Variants in CHSY3 observed in about 807,000 individuals in gnomAD.
CHSY3 encodes the protein chondroitin sulfate synthase 3, also known as N-acetylgalactosaminyl-proteoglycan 3-beta-glucuronosyltransferase 3.
CHSY3 carries 35 observed loss-of-function variants against 67.2 expected under a neutral mutation model. The observed-to-expected ratio is 0.52, with a 90% CI of 0.40 to 0.69. CHSY3 has a LOEUF of 0.69. Ranked by LOEUF, CHSY3 falls within the 30% of genes least tolerant of loss-of-function variation. CHSY3 has a pLI of 0.00. For missense variants in CHSY3, 1,069 were observed against 1,138.5 expected, an observed-to-expected ratio of 0.94 and a Z score of 0.88; for synonymous variants, 474 against 434.7, an observed-to-expected ratio of 1.09 and a Z score of -1.12.
At chr5:130,126,710 T>C (rs1768303008) in intron 2 of CHSY3, among the ~76,000 whole-genome samples, 1 of 152,216 alleles carries the variant, frequency 6.6e-6, no homozygotes, top group Admixed American at 6.5e-5. Context: ...CATTTCATTT[T>C]TGGAGCTTTT....
At chr5:130,157,758 A>AAAGAATGGCTACTCCACAGG (rs71000952) in intron 2 of CHSY3, among the ~76,000 whole-genome samples, 2 of 152,130 alleles carry the variant, frequency 1.3e-5, no homozygotes, top group African/African-American at 4.8e-5. Flanking sequence ...TAAAGAAATA[A>AAAGAATGGCTACTCCACAGG]CTGAGCAGTG....
At chr5:130,147,541 A>G (rs1769108120) in intron 2 of CHSY3, among the ~76,000 whole-genome samples, 1 of 152,200 alleles carries the variant, frequency 6.6e-6, no homozygotes, top group Admixed American at 6.5e-5. Context: ...TTTTAACAGC[A>G]TATGTGTATT....
intron 2 of CHSY3, among the ~76,000 whole-genome samples, chr5:130,132,693 C>A (rs1044793794): frequency 4.6e-5 from 7 of 152,162 alleles, no homozygotes; most frequent in Non-Finnish European, 8.8e-5. Context: ...TTGTCTCCCA[C>A]CCAGGAGATA....
At chr5:129,975,582 C>T (rs542695759) in intron 2 of CHSY3, among the ~76,000 whole-genome samples, 1 of 152,156 alleles carries the variant, frequency 6.6e-6, no homozygotes, top group Non-Finnish European at 1.5e-5. Context: ...AGTGCTTTAC[C>T]TAATGTGATT....
At chr5:130,065,727 C>T (rs763196686) in intron 2 of CHSY3, among the ~76,000 whole-genome samples, 5 of 152,248 alleles carry the variant, frequency 3.3e-5, no homozygotes, top group South Asian at 2.1e-4. Context: ...TCTAGTCTGA[C>T]AATGATCCAA....
At chr5:129,930,560 G>A (rs1226406638) in intron 2 of CHSY3, among the ~76,000 whole-genome samples, 2 of 150,128 alleles carry the variant, frequency 1.3e-5, no homozygotes, top group Non-Finnish European at 3.0e-5. Flanking sequence ...AACTTTCCAA[G>A]CATAGAGAAG....
chr5:130,001,496 A>G (rs1422770423), intron 2 of CHSY3: 1 of 959,844 alleles, frequency 1.0e-6, no homozygotes, highest in Non-Finnish European at 1.2e-6. Flanking sequence ...GACTGGTACC[A>G]AGATCTAGTG....
chr5:130,029,654 G>T (rs10078635), intron 2 of CHSY3, among the ~76,000 whole-genome samples: 79,269 of 151,946 alleles, frequency 0.52, 21,349 homozygotes, highest in East Asian at 0.67. Flanking sequence ...CTTCCCAAAA[G>T]TTCTCAGCTA....
Position 130,178,249 on chromosome 5 carries a change from A to ATTTT in CHSY3, c.1087-5979_1087-5978insTTTT, listed in dbSNP as rs1253548592. On this transcript the variant is annotated intron_variant, in intron 2 of 2. Transcript: ENST00000305031. ...TATTTATATATATATATATATATAT[A>ATTTT]TATATTTTTTTTTTTTTTTTTCCTG... 4.0e-3 allele frequency among the ~76,000 whole-genome samples: 273 copies of ATTTT among 68,388 alleles called. 8 individuals carry two copies. Among genetic ancestry groups the ATTTT allele is most frequent in the African/African-American group, 0.02 (254 of 12,430 alleles). 44.9% of individuals were successfully genotyped at this position (68,388 alleles called of 152,430 possible).
intron 2 of CHSY3, among the ~76,000 whole-genome samples, chr5:129,953,277 G>A (rs986762682): frequency 2.0e-5 from 3 of 152,062 alleles, no homozygotes; most frequent in Non-Finnish European, 4.4e-5. Flanking sequence ...ATGCTTTCCA[G>A]CTTCATCCAT....
rs566009842 is a variant in CHSY3, at chr5:130,044,150, A to G, written c.1086+135790A>G. Among the ~76,000 whole-genome samples, 295 of 152,258 alleles carry G rather than the reference A, an allele frequency of 1.9e-3. 1 individual carries two copies. The highest frequency in any genetic ancestry group is 6.9e-3 in the African/African-American group (285 of 41,572). ...ACTTGAAGAAGAAGGAATCTACTGA[A>G]AAATTTGAACAATTCAAGAATGATT... is the stretch of plus-strand genomic sequence containing the variant. On this transcript the variant is annotated intron_variant, in intron 2 of 2. Transcript: ENST00000305031.
At chr5:130,123,573 C>T (rs1162909272) in intron 2 of CHSY3, among the ~76,000 whole-genome samples, 5 of 152,178 alleles carry the variant, frequency 3.3e-5, no homozygotes, top group Admixed American at 1.3e-4. Flanking sequence ...TCCTGCTGTG[C>T]GGCCAGGTTC....
intron 2 of CHSY3, among the ~76,000 whole-genome samples, chr5:129,996,750 G>GTC (rs1489971653): frequency 6.6e-6 from 1 of 151,868 alleles, no homozygotes; most frequent in African/African-American, 2.4e-5. Flanking sequence ...TCAATACATA[G>GTC]TCACACACAC....
intron 2 of CHSY3, among the ~76,000 whole-genome samples, chr5:130,128,975 C>T (rs1262692441): frequency 6.6e-6 from 1 of 150,486 alleles, no homozygotes; most frequent in Admixed American, 6.6e-5. Context: ...ATAGAGAATG[C>T]TCAATGTTAT....
chr5:130,035,844 T>C (rs1208461720), intron 2 of CHSY3, among the ~76,000 whole-genome samples: 4 of 151,242 alleles, frequency 2.6e-5, no homozygotes, highest in Non-Finnish European at 5.9e-5. Context: ...ATTCCCAGGG[T>C]AATTCTAGGG....
intron 2 of CHSY3, among the ~76,000 whole-genome samples, chr5:130,076,756 G>T (rs1007489107): frequency 2.0e-5 from 3 of 152,104 alleles, no homozygotes; most frequent in Non-Finnish European, 4.4e-5. Flanking sequence ...GGAGTAAGGG[G>T]TAGTCAAAGG....
intron 2 of CHSY3, among the ~76,000 whole-genome samples, chr5:129,984,278 G>A (rs565390089): frequency 1.3e-5 from 2 of 152,152 alleles, no homozygotes; most frequent in East Asian, 3.9e-4. Flanking sequence ...AAAACATGTG[G>A]TACTTGGTTT....
Position 129,981,095 on chromosome 5 carries a change from C to T in CHSY3, c.1086+72735C>T, listed in dbSNP as rs1478625383. Among the ~76,000 whole-genome samples, 4 of 150,412 alleles carry T rather than the reference C, an allele frequency of 2.7e-5. No homozygotes were observed. In the East Asian group the frequency reaches 7.8e-4, roughly 29 times the overall value. On this transcript the variant is annotated intron_variant, in intron 2 of 2. Transcript: ENST00000305031. ...AATTAGCCGGACGTGGTGGCGGGCG[C>T]CTGTAGTCCCAGCTACTCTGGAGGC...
chr5:129,946,614 C>T (rs1378263284), intron 2 of CHSY3, among the ~76,000 whole-genome samples: 3 of 152,142 alleles, frequency 2.0e-5, no homozygotes, highest in African/African-American at 7.2e-5. Context: ...TTTGCCCTGA[C>T]ACTTGAACCC....
Sources: allele counts gnomAD v4.1 joint callset (sites outside exome capture counted in the v4.1 genomes callset), GRCh38; gene constraint gnomAD v4.1.1; transcripts MANE v1.5; gene names NCBI Gene and HGNC (gene_info 2026-07-23, HGNC 2026-07-21).